The following NELL1 variants were observed in gnomAD, a reference collection of about 807,000 sequenced individuals.
NELL1 encodes the protein protein kinase C-binding protein NELL1.
NELL1 carries 76 observed loss-of-function variants against 107.4 expected under a neutral mutation model. The observed-to-expected ratio is 0.71, with a 90% CI of 0.59 to 0.86. NELL1 has a LOEUF of 0.86. Among genes scored for constraint, NELL1 ranks in the 40% least tolerant of loss-of-function variants. The pLI is 0.00. For missense variants in NELL1, 1,024 were observed against 1,005.5 expected, an observed-to-expected ratio of 1.02 and a Z score of -0.25; for synonymous variants, 353 against 341.2, an observed-to-expected ratio of 1.03 and a Z score of -0.38.
intron 13 of NELL1, among the ~76,000 whole-genome samples, chr11:21,209,620 A>C (rs1857459153): frequency 1.3e-5 from 2 of 152,016 alleles, no homozygotes; most frequent in Admixed American, 6.6e-5. Context: ...ACATAGTATA[A>C]GTTTTACCCC....
rs1590943661 is a variant in NELL1, at chr11:21,453,169, T to C, written c.1646-81205T>C. Among the ~76,000 whole-genome samples the C allele has an allele frequency of 4.6e-5, 7 of 151,920 alleles. 1 individual carries two copies. The highest frequency in any genetic ancestry group is 3.9e-4 in the Admixed American group (6 of 15,196). ...CAAGTCTTCCATATTATTGCTCATT[T>C]ATTTTCTACTTGCTCTAACAACTGC... On this transcript the variant is annotated intron_variant, in intron 15 of 19. Coordinates refer to ENST00000357134, the MANE Select transcript of NELL1 (RefSeq NM_006157.5).
intron 5 of NELL1, among the ~76,000 whole-genome samples, chr11:20,910,213 G>T (rs1016311696): frequency 6.6e-6 from 1 of 152,146 alleles, no homozygotes; most frequent in Non-Finnish European, 1.5e-5. Flanking sequence ...TGTTCCCGTG[G>T]TGCTCGGCAA....
intron 13 of NELL1, among the ~76,000 whole-genome samples, chr11:21,142,296 C>T (rs1390435842): frequency 6.6e-6 from 1 of 152,184 alleles, no homozygotes; most frequent in African/African-American, 2.4e-5. Flanking sequence ...CCTGGGATGG[C>T]AGGCACTGTG....
intron 14 of NELL1, among the ~76,000 whole-genome samples, chr11:21,285,296 C>T: frequency 6.6e-6 from 1 of 152,114 alleles, no homozygotes; most frequent in East Asian, 1.9e-4. Flanking sequence ...CTGGGGCTTT[C>T]CCAGAGCTTG....
intron 5 of NELL1, among the ~76,000 whole-genome samples, chr11:20,916,739 TTTA>T (rs958401326): frequency 2.5e-4 from 38 of 151,680 alleles, no homozygotes; most frequent in Admixed American, 5.9e-4. Context: ...TTTACATTCT[TTTA>T]TTATTATTAT....
At chr11:20,677,230 G>A (rs1854080875) in intron 1 of NELL1, among the ~76,000 whole-genome samples, 1 of 152,212 alleles carries the variant, frequency 6.6e-6, no homozygotes, top group East Asian at 1.9e-4. Context: ...AACAGGGACA[G>A]GGTCCTTTTC....
At chr11:21,551,678 CACTGTTGGTGGG>C (rs1203494216) in intron 16 of NELL1, among the ~76,000 whole-genome samples, 1 of 151,550 alleles carries the variant, frequency 6.6e-6, no homozygotes, top group African/African-American at 2.4e-5. Flanking sequence ...AACACTTTTA[CACTGTTGGTGGG>C]ACTGTAAACC....
At chr11:20,924,758 CTG>C (rs1274800141) in intron 7 of NELL1, among the ~76,000 whole-genome samples, 1 of 152,168 alleles carries the variant, frequency 6.6e-6, no homozygotes, top group African/African-American at 2.4e-5. Context: ...TGGTTCAACT[CTG>C]TTGTTCAATC....
chr11:20,755,565 T>TTTTTTTTATTTTTA (rs1564895103), intron 2 of NELL1, among the ~76,000 whole-genome samples: 1 of 141,864 alleles, frequency 7.0e-6, no homozygotes, highest in African/African-American at 2.8e-5. Context: ...TGTTTTTGTT[T>TTTTTTTTATTTTTA]TTTTTTTTTT....
chr11:21,242,642 T>C (rs1858393119), intron 14 of NELL1, among the ~76,000 whole-genome samples: 1 of 152,138 alleles, frequency 6.6e-6, no homozygotes, highest in African/African-American at 2.4e-5. Context: ...AAAGATCTCT[T>C]GTAGGCCTAC....
In NELL1 at chr11:20,692,041, A is replaced by G. The variant is rs1337964291; in HGVS notation, c.184+13981A>G. Among the ~76,000 whole-genome samples, 50 of 151,734 alleles carry G rather than the reference A, an allele frequency of 3.3e-4. No individual in the cohort carries two copies. In the East Asian group the frequency reaches 9.1e-3, roughly 28 times the overall value. On this transcript the variant is annotated intron_variant, in intron 2 of 19. Coordinates refer to ENST00000357134, the MANE Select transcript of NELL1 (RefSeq NM_006157.5). Reference sequence around the variant, plus strand: ...AGTGTATGTGTCGAGGAATTTATCCATTTCTTCTAGATTTTCTAGTTTATT... The same window carrying G: ...AGTGTATGTGTCGAGGAATTTATCCGTTTCTTCTAGATTTTCTAGTTTATT...
At chr11:21,053,295 A>C (rs1482945513) in intron 12 of NELL1, among the ~76,000 whole-genome samples, 1 of 151,882 alleles carries the variant, frequency 6.6e-6, no homozygotes, top group East Asian at 1.9e-4. Flanking sequence ...GACAGGCCCC[A>C]GTGTGTGATG....
intron 16 of NELL1, among the ~76,000 whole-genome samples, chr11:21,559,419 G>C (rs1227958884): frequency 6.6e-6 from 1 of 152,110 alleles, no homozygotes; most frequent in Non-Finnish European, 1.5e-5. Flanking sequence ...GTTTGTGTTT[G>C]AGATGTTGTT....
intron 12 of NELL1, among the ~76,000 whole-genome samples, chr11:20,985,359 T>C (rs548871313): frequency 3.6e-4 from 55 of 152,332 alleles, no homozygotes; most frequent in Middle Eastern, 3.4e-3. Flanking sequence ...CAATAAAATA[T>C]AGCTATCATT....
intron 7 of NELL1, among the ~76,000 whole-genome samples, chr11:20,920,822 AC>A (rs1850361158): frequency 6.6e-6 from 1 of 152,028 alleles, no homozygotes; most frequent in Non-Finnish European, 1.5e-5. Flanking sequence ...TATTCTCAAA[AC>A]GTTATTGTGT....
chr11:21,232,154 A>AAT lies in NELL1; in HGVS notation c.1549+2701_1549+2702insTA, dbSNP rs1858073047. 4.8e-5 allele frequency among the ~76,000 whole-genome samples: 3 copies of AAT among 62,980 alleles called. 1 individual carries two copies. The highest frequency in any genetic ancestry group is 3.1e-5 in the Non-Finnish European group (1 of 32,106). 41.3% of individuals were successfully genotyped at this position (62,980 alleles called of 152,430 possible). A position where few individuals can be genotyped will look rare whatever the true frequency, so the allele number is the denominator to read the frequency against. On this transcript the variant is annotated intron_variant, in intron 14 of 19. Coordinates refer to ENST00000357134, the MANE Select transcript of NELL1 (RefSeq NM_006157.5). ...ATCTCTACTAAAAAAAAATAAAAAA[A>AAT]AAAAAATATATATATATATATATAA... is the stretch of plus-strand genomic sequence containing the variant.
At chr11:20,747,887 A>C (rs1321736566) in intron 2 of NELL1, among the ~76,000 whole-genome samples, 1 of 152,148 alleles carries the variant, frequency 6.6e-6, no homozygotes, top group Non-Finnish European at 1.5e-5. Context: ...TCCTCAAGCT[A>C]TGTGTCTTCA....
chr11:20,990,153 C>T (rs1291870078), intron 12 of NELL1, among the ~76,000 whole-genome samples: 2 of 152,170 alleles, frequency 1.3e-5, no homozygotes, highest in African/African-American at 4.8e-5. Context: ...TTTTGCCTTG[C>T]CTTGGGCCTG....
chr11:21,209,778 A>G (rs1857462185), intron 13 of NELL1, among the ~76,000 whole-genome samples: 1 of 152,136 alleles, frequency 6.6e-6, no homozygotes, highest in African/African-American at 2.4e-5. Flanking sequence ...ATCCACAACT[A>G]GAATAAAAAA....
Sources: allele counts gnomAD v4.1 joint callset (sites outside exome capture counted in the v4.1 genomes callset), GRCh38; gene constraint gnomAD v4.1.1; transcripts MANE v1.5; gene names NCBI Gene and HGNC (gene_info 2026-07-23, HGNC 2026-07-21).